Variants in C17orf99 observed in about 807,000 individuals in gnomAD.
The protein encoded by C17orf99 is protein IL-40.
Under a neutral mutation model 22.6 loss-of-function variants are expected in C17orf99, and 18 were observed. The observed-to-expected ratio is 0.80, with a 90% CI of 0.55 to 1.18. C17orf99 has a LOEUF of 1.18. Ranked by LOEUF, C17orf99 falls within the 50% of genes most tolerant of loss-of-function variation. C17orf99 has a pLI of 0.00. For synonymous variants in C17orf99, 147 were observed against 136.6 expected (o/e 1.08, Z -0.53); for missense variants, 328 against 342.7 (o/e 0.96, Z 0.34).
At chr17:78,157,798 GAAAAAAAAA>G (rs60891763) in intron 2 of C17orf99, 35 of 383,124 alleles carry the variant, frequency 9.1e-5, no homozygotes, top group African/African-American at 4.4e-4. Context: ...CTCTGTCTCG[GAAAAAAAAA>G]AAAAAAAAAA....
chr17:78,152,000 G>A (rs1326102993), intron 2 of C17orf99, among the ~76,000 whole-genome samples: 4 of 152,088 alleles, frequency 2.6e-5, no homozygotes, highest in Non-Finnish European at 5.9e-5. Flanking sequence ...CCAGCACCAT[G>A]TCCGGGCCTG....
At chr17:78,146,295 A>T (rs1386720718), upstream of C17orf99, 2 of 929,236 alleles carry the variant, frequency 2.2e-6, no homozygotes, top group African/African-American at 1.7e-5. The surrounding 1 kb of genome is among the most constrained non-coding windows in gnomAD (Gnocchi z 5.2). Context: ...CCTCCAGGTT[A>T]TCTCCCCACT....
In C17orf99 at chr17:78,146,530, A is replaced by G. The variant is rs1376370858; in HGVS notation, c.37+86A>G. ...GGTGGGGGTACTGGGAGCACAGGAG[A>G]GATGAGGCCTGAAGGAAGGGCACCT... On this transcript the variant is annotated intron_variant, in intron 1 of 4. Coordinates refer to ENST00000340363, the MANE Select transcript of C17orf99 (RefSeq NM_001163075.2). This position sits in a 1 kb window ranked among gnomAD's most constrained non-coding sequence, Gnocchi z 5.2. The G allele has an allele frequency of 8.0e-7, 1 of 1,243,172 alleles. No homozygotes were observed. The highest frequency in any genetic ancestry group is 1.1e-6 in the Non-Finnish European group (1 of 875,278). 77.0% of individuals were successfully genotyped at this position (1,243,172 alleles called of 1,614,324 possible).
intron 3 of C17orf99, among the ~76,000 whole-genome samples, chr17:78,162,251 G>A (rs1467372396): frequency 3.3e-5 from 5 of 150,042 alleles, no homozygotes; most frequent in African/African-American, 1.2e-4. Context: ...ATGCCAGCCT[G>A]GGTGACAGCG....
At chr17:78,146,117 A>C (rs2075435836), upstream of C17orf99, among the ~76,000 whole-genome samples, 1 of 152,100 alleles carries the variant, frequency 6.6e-6, no homozygotes, top group South Asian at 2.1e-4. The surrounding 1 kb of genome is among the most constrained non-coding windows in gnomAD (Gnocchi z 5.2). Context: ...CCACCACGTG[A>C]GCCCGGGATC....
chr17:78,162,855 G>A lies in C17orf99; in HGVS notation c.371-1240G>A, dbSNP rs1027977304. 1.2e-4 allele frequency among the ~76,000 whole-genome samples: 19 copies of A among 152,172 alleles called. 4 individuals are homozygous for A. The highest frequency in any genetic ancestry group is 1.2e-3 in the Admixed American group (18 of 15,274). On this transcript the variant is annotated intron_variant, in intron 3 of 4. Transcript: ENST00000340363. ...GGCTGAACTGCAGTGGCACGATCTC[G>A]GCTCACCGCAACCTCCGCCTCCCAG...
upstream of C17orf99, chr17:78,146,347 G>A (rs1268679928): frequency 6.7e-7 from 1 of 1,488,694 alleles, no homozygotes; most frequent in Non-Finnish European, 9.1e-7. This position sits in a 1 kb window ranked among gnomAD's most constrained non-coding sequence, Gnocchi z 5.2. Flanking sequence ...CCTCAGGGTG[G>A]GGGAGGCCAG....
chr17:78,148,298 G>A (rs1243834543), intron 2 of C17orf99, among the ~76,000 whole-genome samples: 1 of 151,588 alleles, frequency 6.6e-6, no homozygotes, highest in Non-Finnish European at 1.5e-5. Flanking sequence ...CTTCCACCCA[G>A]CCTCCTGAGT....
chr17:78,152,724 A>C (rs1166883757), intron 2 of C17orf99, among the ~76,000 whole-genome samples: 1 of 150,440 alleles, frequency 6.6e-6, no homozygotes, highest in East Asian at 2.0e-4. Flanking sequence ...CCCCCTGCCT[A>C]GGCCTCCAAA....
chr17:78,163,365 C>T (rs910137887), intron 3 of C17orf99, among the ~76,000 whole-genome samples: 2 of 152,142 alleles, frequency 1.3e-5, no homozygotes, highest in Non-Finnish European at 2.9e-5. Flanking sequence ...AGGCTCAAGG[C>T]CTGGGGGATT....
At chr17:78,165,420 C>T (rs2145807152) in intron 4 of C17orf99, 1 of 985,542 alleles carries the variant, frequency 1.0e-6, no homozygotes, top group East Asian at 1.1e-4. Context: ...GTTTTTCCTT[C>T]TGTAAAATGG....
chr17:78,163,473 A>G (rs1352763572), intron 3 of C17orf99, among the ~76,000 whole-genome samples: 7 of 152,272 alleles, frequency 4.6e-5, no homozygotes, highest in African/African-American at 1.7e-4. Context: ...AATTTTACAT[A>G]GGACATACGT....
Position 78,164,205 on chromosome 17 carries a change from C to T in C17orf99, c.481C>T (p.Leu161=). ...GGGCAGCCCACCTATCACCAACAGC[C>T]TGATCGGGAAGGATGGGCAGGTCCA... The part of the protein sequence containing the change: ...SSGSPPITNS[L]IGKDGQVHLQ... Residue 161 remains leucine (L), a synonymous_variant, in exon 4 of 5, where the codon CTG becomes TTG. Transcript: ENST00000340363. The T allele has an allele frequency of 6.4e-7, 1 of 1,551,666 alleles. No individual in the cohort carries two copies. Among genetic ancestry groups the T allele is most frequent in the Non-Finnish European group, 8.7e-7 (1 of 1,147,016 alleles).
chr17:78,148,986 C>G (rs894446569), intron 2 of C17orf99, among the ~76,000 whole-genome samples: 1 of 151,952 alleles, frequency 6.6e-6, no homozygotes, highest in Non-Finnish European at 1.5e-5. Context: ...TGGAGGCCAG[C>G]AGCAGCTGCT....
In C17orf99 at chr17:78,161,221, G is replaced by A; in HGVS notation, c.337G>A (p.Ala113Thr). 1 of 1,551,774 alleles carries A rather than the reference G, an allele frequency of 6.4e-7. No homozygotes were observed. Among genetic ancestry groups the A allele is most frequent in the Non-Finnish European group, 8.7e-7 (1 of 1,146,970 alleles). ...CACCTCAGGTGCCCATGTGGACAGTGCCAGGCTACAGATGCACTGGGAGCT... is the reference window on the plus strand; with the variant it reads ...CACCTCAGGTGCCCATGTGGACAGTACCAGGCTACAGATGCACTGGGAGCT... ...SSTSGAHVDS[A>T]RLQMHWELWS... The change falls in exon 3 of 5, where the codon GCC becomes ACC. Residue 113 changes from alanine to threonine, a missense_variant. By Grantham distance (58) the Ala-to-Thr change is moderately conservative (BLOSUM62 0). Transcript: ENST00000340363.
intron 2 of C17orf99, chr17:78,157,740 T>A (rs2075539035): frequency 2.1e-6 from 1 of 480,462 alleles, no homozygotes. Flanking sequence ...GAGCTTGCGG[T>A]GAGCCGAGAT....
intron 2 of C17orf99, among the ~76,000 whole-genome samples, chr17:78,155,119 C>A (rs1249647086): frequency 7.4e-6 from 1 of 135,640 alleles, no homozygotes; most frequent in Non-Finnish European, 1.5e-5. Flanking sequence ...TCAGCAGCAA[C>A]CCCTATTTTT....
chr17:78,165,414 T>C, intron 4 of C17orf99: 2 of 985,560 alleles, frequency 2.0e-6, no homozygotes, highest in Non-Finnish European at 1.2e-6. Context: ...GCCTCAGTTT[T>C]TCCTTCTGTA....
At position 78,166,155 on chromosome 17, in the gene C17orf99, CAAAAAAAAA is replaced by C; in HGVS notation, c.*123_*131del. On this transcript the variant is annotated 3_prime_UTR_variant, in exon 5 of 5. Coordinates refer to ENST00000340363, the MANE Select transcript of C17orf99 (RefSeq NM_001163075.2). ...GAGTGTGTTTTAGCTGCTCTTGCCA[CAAAAAAAAA>C]AAAAAAAAAAAAAGGGTAACTATGA... 40 of 141,428 alleles carry C rather than the reference CAAAAAAAAA, an allele frequency of 2.8e-4. No homozygotes were observed. The highest frequency in any genetic ancestry group is 2.6e-3 in the Middle Eastern group (1 of 392). The allele number at this position is 141,428 out of a possible 1,614,324, so 8.8% of individuals were successfully genotyped here. A position where few individuals can be genotyped will look rare whatever the true frequency, so the allele number is the denominator to read the frequency against.
Sources: allele counts gnomAD v4.1 joint callset (sites outside exome capture counted in the v4.1 genomes callset), GRCh38; gene constraint gnomAD v4.1.1; non-coding constraint Gnocchi (gnomAD v3.1); transcripts MANE v1.5; gene names NCBI Gene and HGNC (gene_info 2026-07-23, HGNC 2026-07-21).